SFMBT1: variants seen among roughly 807,000 people sequenced by gnomAD.
The protein encoded by SFMBT1 is Scm like with four mbt domains 1.
SFMBT1 carries 32 observed loss-of-function variants against 108.7 expected under a neutral mutation model. The observed-to-expected ratio is 0.29, with a 90% CI of 0.22 to 0.40. SFMBT1 has a LOEUF of 0.40. Among genes scored for constraint, SFMBT1 ranks in the 10% least tolerant of loss-of-function variants. The probability of loss-of-function intolerance (pLI) is 1.00; values close to 1 mark genes in which losing one functional copy is unlikely to be tolerated. For synonymous variants in SFMBT1, 348 were observed against 369.5 expected (o/e 0.94, Z 0.67); for missense variants, 816 against 1,059.6 (o/e 0.77, Z 3.19).
At chr3:53,015,217 A>G (rs576523490) in intron 1 of SFMBT1, among the ~76,000 whole-genome samples, 10 of 146,186 alleles carry the variant, frequency 6.8e-5, no homozygotes, top group South Asian at 4.7e-4. Context: ...GTCCCAAGGA[A>G]AAAAAAAAAA....
In SFMBT1 at chr3:52,985,066, A is replaced by G. The variant is rs138648252; in HGVS notation, c.-130-15808T>C. Among the ~76,000 whole-genome samples the G allele has an allele frequency of 2.3e-3, 345 of 152,314 alleles. 1 individual carries two copies. Among genetic ancestry groups the G allele is most frequent in the African/African-American group, 7.3e-3 (304 of 41,564 alleles). On this transcript the variant is annotated intron_variant, in intron 1 of 20. Coordinates refer to ENST00000394752, the MANE Select transcript of SFMBT1 (RefSeq NM_016329.4). ...ACGGTAGCTCTTCCAGAGTTCAAAT[A>G]TGATTACATTTTCATCAATTAAATG...
intron 1 of SFMBT1, among the ~76,000 whole-genome samples, chr3:52,973,839 G>A (rs898551189): frequency 6.6e-6 from 1 of 151,828 alleles, no homozygotes; most frequent in Non-Finnish European, 1.5e-5. Context: ...GGCTGGTCTC[G>A]AACCCCTGAC....
intron 1 of SFMBT1, among the ~76,000 whole-genome samples, chr3:52,986,488 C>G (rs530635711): frequency 6.6e-6 from 1 of 151,570 alleles, no homozygotes; most frequent in Non-Finnish European, 1.5e-5. Flanking sequence ...TTTTTTTGGT[C>G]GGGCGCCATG....
chr3:53,030,683 C>CAAAACAA (rs1699654533), intron 1 of SFMBT1, among the ~76,000 whole-genome samples: 1 of 82,770 alleles, frequency 1.2e-5, no homozygotes, highest in Non-Finnish European at 2.4e-5. Flanking sequence ...GGCCATAATG[C>CAAAACAA]AAAAAAAAAA....
chr3:52,955,864 T>A lies in SFMBT1; in HGVS notation c.29-1453A>T, dbSNP rs183280651. On this transcript the variant is annotated intron_variant, in intron 2 of 20. Transcript: ENST00000394752. ...CCTAACTCACTTTATGAGGCCAGCA[T>A]CATCCTGATACCAAAACCTGTCAGA... Among the ~76,000 whole-genome samples, 996 of 152,308 alleles carry A rather than the reference T, an allele frequency of 6.5e-3. 94 individuals carry two copies. In the South Asian group the frequency reaches 0.18, roughly 28 times the overall value.
intron 1 of SFMBT1, among the ~76,000 whole-genome samples, chr3:53,013,448 C>T (rs1223364262): frequency 2.6e-5 from 4 of 151,346 alleles, no homozygotes; most frequent in Non-Finnish European, 5.9e-5. Flanking sequence ...GCTAAATTCA[C>T]TTTTCTATCC....
intron 2 of SFMBT1, 71 bp from the exon 3 acceptor site, chr3:52,954,482 TTAA>T: frequency 8.7e-7 from 1 of 1,154,996 alleles, no homozygotes. Flanking sequence ...AAATATAAAC[TTAA>T]TAAACCTAAC....
intron 1 of SFMBT1, among the ~76,000 whole-genome samples, chr3:52,983,464 C>T (rs1402694901): frequency 6.6e-6 from 1 of 152,168 alleles, no homozygotes; most frequent in African/African-American, 2.4e-5. Context: ...TCTTCAACTG[C>T]GTGTGGGGTC....
chr3:52,931,679 C>T (rs1575382363), intron 6 of SFMBT1, among the ~76,000 whole-genome samples: 1 of 151,786 alleles, frequency 6.6e-6, no homozygotes, highest in Non-Finnish European at 1.5e-5. Flanking sequence ...ATCTCTACTA[C>T]AAATACAAAA....
At position 52,948,903 on chromosome 3, in the gene SFMBT1, A is replaced by G. The variant is rs559982794; in HGVS notation, c.124-5310T>C. Among the ~76,000 whole-genome samples, 9 of 6,800 alleles carry G rather than the reference A, an allele frequency of 1.3e-3. 1 individual carries two copies. In the South Asian group the frequency reaches 0.23, roughly 170 times the overall value. 4.5% of individuals were successfully genotyped at this position (6,800 alleles called of 152,430 possible). On this transcript the variant is annotated intron_variant, in intron 3 of 20. Transcript: ENST00000394752. ...GGTCTCGCATTCCTGGGCTCAAGCA[A>G]TTCTCCCACCTTGGCTCCCAAAGTG...
At chr3:52,992,441 C>T (rs570613595) in intron 1 of SFMBT1, among the ~76,000 whole-genome samples, 6 of 152,040 alleles carry the variant, frequency 3.9e-5, no homozygotes, top group African/African-American at 1.2e-4. Context: ...CTCTATGTAG[C>T]CACAAAAATT....
At chr3:52,931,987 AT>A (rs1453704577) in intron 6 of SFMBT1, 74 bp downstream of exon 6, 2 of 1,489,142 alleles carry the variant, frequency 1.3e-6, no homozygotes, top group Admixed American at 4.1e-5. Context: ...TGCAGAATAT[AT>A]TTTTTCAGCC....
chr3:52,917,395 G>C (rs1424331778), intron 13 of SFMBT1, among the ~76,000 whole-genome samples: 1 of 152,080 alleles, frequency 6.6e-6, no homozygotes, highest in African/African-American at 2.4e-5. Context: ...AGAGGGGTCG[G>C]GGGGTGCCGG....
chr3:52,905,104 T>C lies in SFMBT1; in HGVS notation c.*32A>G. 6.2e-7 allele frequency: 1 copy of C among 1,610,492 alleles called. No individual in the cohort carries two copies. Among genetic ancestry groups the C allele is most frequent in the Non-Finnish European group, 8.5e-7 (1 of 1,178,188 alleles). ...GGTGAAGGATTTGCTGCATTTGTGC[T>C]TCAAAGATCCAGCTCACTTTGGTTG... On this transcript the variant is annotated 3_prime_UTR_variant, in exon 21 of 21. Transcript: ENST00000394752.
intron 2 of SFMBT1, 150 bp from the exon 3 acceptor site, chr3:52,954,561 T>C (rs1044133674): frequency 1.4e-5 from 9 of 652,118 alleles, no homozygotes; most frequent in Middle Eastern, 4.3e-4. Flanking sequence ...TTTTGTTTTG[T>C]TTTTGTTTTT....
At chr3:53,020,498 C>A (rs1199672224) in intron 1 of SFMBT1, among the ~76,000 whole-genome samples, 1 of 152,180 alleles carries the variant, frequency 6.6e-6, no homozygotes, top group African/African-American at 2.4e-5. Context: ...ATACATCAGT[C>A]AGATTTCCTG....
chr3:52,961,180 C>G (rs1393394075), intron 2 of SFMBT1, among the ~76,000 whole-genome samples: 1 of 151,786 alleles, frequency 6.6e-6, no homozygotes, highest in Non-Finnish European at 1.5e-5. Context: ...ACAATGAAGA[C>G]ATTATGCTAA....
chr3:52,959,010 G>A (rs1010694770), intron 2 of SFMBT1, among the ~76,000 whole-genome samples: 10 of 151,892 alleles, frequency 6.6e-5, no homozygotes, highest in Admixed American at 5.9e-4. Context: ...ATTATCTTCA[G>A]CAAACTAACA....
chr3:52,999,835 C>T (rs930149259), intron 1 of SFMBT1, among the ~76,000 whole-genome samples: 7 of 150,156 alleles, frequency 4.7e-5, no homozygotes, highest in African/African-American at 1.5e-4. Context: ...GACCCCATGA[C>T]CCATGGCATG....
Sources: gnomAD v4.1 joint callset for allele counts (sites outside exome capture counted in the v4.1 genomes callset) on GRCh38, gnomAD v4.1.1 for gene constraint, MANE v1.5 for transcripts, NCBI Gene and HGNC (gene_info 2026-07-23, HGNC 2026-07-21) for gene names.